MYT1: variants seen among roughly 807,000 people sequenced by gnomAD.
MYT1 encodes the protein myelin transcription factor I.
MYT1 carries 23 observed loss-of-function variants against 123.0 expected under a neutral mutation model. The observed-to-expected ratio is 0.19, with a 90% CI of 0.13 to 0.26. MYT1 has a LOEUF of 0.26. Ranked by LOEUF, MYT1 falls within the 10% of genes least tolerant of loss-of-function variation. The pLI is 1.00. For missense variants in MYT1, 1,125 were observed against 1,472.5 expected, an observed-to-expected ratio of 0.76 and a Z score of 3.86; for synonymous variants, 518 against 575.3, an observed-to-expected ratio of 0.90 and a Z score of 1.43.
At chr20:64,233,100 CCCCTTCTTCCCTCCTCCTT>C (rs1984371115) in intron 19 of MYT1, among the ~76,000 whole-genome samples, 1 of 141,302 alleles carries the variant, frequency 7.1e-6, no homozygotes, top group African/African-American at 2.7e-5. Context: ...TCCCTCCCCT[CCCCTTCTTCCCTCCTCCTT>C]CCCCTCCCTT....
chr20:64,215,714 A>T (rs1253783678), intron 10 of MYT1, among the ~76,000 whole-genome samples: 1 of 150,704 alleles, frequency 6.6e-6, no homozygotes, highest in Non-Finnish European at 1.5e-5. Flanking sequence ...CCTCCCGAGT[A>T]CCTAGGAATA....
rs71197459 is a variant in MYT1, at chr20:64,170,884, TAGAGAGAGAGAGAGAG to T, written c.-99+6181_-99+6196del. On this transcript the variant is annotated intron_variant, in intron 1 of 22. Coordinates refer to ENST00000328439, the MANE Select transcript of MYT1 (RefSeq NM_004535.3). ...ATATATATATATATATATATATATA[TAGAGAGAGAGAGAGAG>T]AGAGAGAGAGAGAGAGAGAGAGAGA... Among the ~76,000 whole-genome samples, 81 of 19,990 alleles carry T rather than the reference TAGAGAGAGAGAGAGAG, an allele frequency of 4.1e-3. 2 individuals carry two copies. The highest frequency in any genetic ancestry group is 7.5e-3 in the East Asian group (3 of 398). The allele number at this position is 19,990 out of a possible 152,430, so 13.1% of individuals were successfully genotyped here. A position where few individuals can be genotyped will look rare whatever the true frequency, so the allele number is the denominator to read the frequency against.
chr20:64,212,041 C>T lies in MYT1; in HGVS notation c.1427-7C>T. 1 of 1,612,938 alleles carries T rather than the reference C, an allele frequency of 6.2e-7. No homozygotes were observed. Among genetic ancestry groups the T allele is most frequent in the Non-Finnish European group, 8.5e-7 (1 of 1,179,190 alleles). On this transcript the variant is annotated splice_polypyrimidine_tract_variant and splice_region_variant and intron_variant, in intron 8 of 22. Transcript: ENST00000328439. This position sits in a 1 kb window ranked among gnomAD's most constrained non-coding sequence, Gnocchi z 6.8. ...CTCGGCTCCCTCCACCCCCTGTTCTCTTACAGTCTTAGCCATGCATGAGAA... is the reference window on the plus strand; with the variant it reads ...CTCGGCTCCCTCCACCCCCTGTTCTTTTACAGTCTTAGCCATGCATGAGAA...
chr20:64,182,703 G>A (rs962670469), intron 1 of MYT1, among the ~76,000 whole-genome samples: 4 of 152,062 alleles, frequency 2.6e-5, no homozygotes, highest in Non-Finnish European at 4.4e-5. Context: ...GGGAGTGATA[G>A]GCATCAAGGT....
Position 64,240,573 on chromosome 20 carries a change from G to T in MYT1, c.*125G>T. ...TGGGGCCCGGTGTGGCCGCGGGCGG[G>T]TTTATCCAAAGGGATGGCTGGAAAT... On this transcript the variant is annotated 3_prime_UTR_variant, in exon 23 of 23. Transcript: ENST00000328439. The T allele has an allele frequency of 7.3e-7, 1 of 1,372,780 alleles. No homozygotes were observed. Among genetic ancestry groups the T allele is most frequent in the Non-Finnish European group, 9.6e-7 (1 of 1,042,626 alleles). The allele number at this position is 1,372,780 out of a possible 1,614,324, so 85.0% of individuals were successfully genotyped here. A position where few individuals can be genotyped will look rare whatever the true frequency, so the allele number is the denominator to read the frequency against.
At position 64,207,817 on chromosome 20, in the gene MYT1, C is replaced by G. The variant is rs746653173; in HGVS notation, c.621C>G (p.Ser207Arg). 2.5e-6 allele frequency: 4 copies of G among 1,613,508 alleles called. No homozygotes were observed. The African/African-American group carries it at 5.3e-5, about 22-fold the overall frequency. The change falls in exon 7 of 23, where the codon AGC (serine) becomes AGG (arginine). Residue 207 changes from serine (S) to arginine (R), a missense_variant. Physicochemically the swap from Ser to Arg is moderately radical, Grantham distance 110. This residue lies in a region of MYT1 where 406 missense variants were observed against 432.2 expected (regional missense o/e 0.94). Transcript: ENST00000328439. ...LLQEAAEGAA[S>R]EEGEKGLFIQ... is the part of the protein sequence containing the mutation. ...AGGAGGCTGCAGAGGGAGCTGCCAG[C>G]GAGGAGGGTGAAAAGGGCCTCTTCA...
At position 64,217,291 on chromosome 20, in the gene MYT1, G is replaced by C; in HGVS notation, c.1846+10G>C. 6.2e-7 allele frequency: 1 copy of C among 1,613,786 alleles called. No homozygotes were observed. Among genetic ancestry groups the C allele is most frequent in the Non-Finnish European group, 8.5e-7 (1 of 1,179,638 alleles). On this transcript the variant is annotated intron_variant, in intron 11 of 22. Coordinates refer to ENST00000328439, the MANE Select transcript of MYT1 (RefSeq NM_004535.3). ...CCTAAAGCCTTTCAATGTAAGTTGG[G>C]GAGAATTGTTCTTGTTTCTCTTCTG...
In MYT1 at chr20:64,193,866, A is replaced by T. The variant is rs1420107149; in HGVS notation, c.-1+3706A>T. On this transcript the variant is annotated intron_variant, in intron 2 of 22. Coordinates refer to ENST00000328439, the MANE Select transcript of MYT1 (RefSeq NM_004535.3). This position sits in a 1 kb window ranked among gnomAD's most constrained non-coding sequence, Gnocchi z 4.0. ...AGTTGTAAGTCCATTCTAATTCTCCAGATTTGCTGGCTGTCAGAACACATT... is the reference window on the plus strand; with the variant it reads ...AGTTGTAAGTCCATTCTAATTCTCCTGATTTGCTGGCTGTCAGAACACATT... Among the ~76,000 whole-genome samples, 1 of 152,118 alleles carries T rather than the reference A, an allele frequency of 6.6e-6. No individual in the cohort carries two copies. Among genetic ancestry groups the T allele is most frequent in the African/African-American group, 2.4e-5 (1 of 41,406 alleles).
At position 64,231,191 on chromosome 20, in the gene MYT1, C is replaced by T. The variant is rs765517340; in HGVS notation, c.2676-973C>T. On this transcript the variant is annotated intron_variant, in intron 18 of 22. Coordinates refer to ENST00000328439, the MANE Select transcript of MYT1 (RefSeq NM_004535.3). This position sits in a 1 kb window ranked among gnomAD's most constrained non-coding sequence, Gnocchi z 6.4. ...CAGCACACAGGGAGTGTGTGACAAA[C>T]GGTAATTTGGATGAGTTTCATTTAT... 4.6e-5 allele frequency among the ~76,000 whole-genome samples: 7 copies of T among 152,172 alleles called. No individual in the cohort carries two copies. The highest frequency in any genetic ancestry group is 1.2e-4 in the African/African-American group (5 of 41,442).
Position 64,208,531 on chromosome 20 carries a change from C to T in MYT1, c.1291+44C>T, listed in dbSNP as rs748475064. ...CTGGCCCTGCAGACTCATCCTTTCA[C>T]CCCTGCCCCAGGTGTGCAGATGCAG... On this transcript the variant is annotated intron_variant, in intron 7 of 22. Transcript: ENST00000328439. This position sits in a 1 kb window ranked among gnomAD's most constrained non-coding sequence, Gnocchi z 5.4. 3 of 1,541,174 alleles carry T rather than the reference C, an allele frequency of 1.9e-6. No homozygotes were observed. Among genetic ancestry groups the T allele is most frequent in the Non-Finnish European group, 2.6e-6 (3 of 1,142,454 alleles).
In MYT1 at chr20:64,170,931, A is replaced by AGAGACGGAGT. The variant is rs1555952874; in HGVS notation, c.-99+6193_-99+6202dup. 3.8e-3 allele frequency among the ~76,000 whole-genome samples: 477 copies of AGAGACGGAGT among 126,110 alleles called. 12 individuals are homozygous for AGAGACGGAGT. Among genetic ancestry groups the AGAGACGGAGT allele is most frequent in the Non-Finnish European group, 5.3e-3 (321 of 60,280 alleles). The allele number at this position is 126,110 out of a possible 152,430, so 82.7% of individuals were successfully genotyped here. A position where few individuals can be genotyped will look rare whatever the true frequency, so the allele number is the denominator to read the frequency against. On this transcript the variant is annotated intron_variant, in intron 1 of 22. Transcript: ENST00000328439. ...GAGAGAGAGAGAGAGAGAGAGAGAG[A>AGAGACGGAGT]GAGACGGAGTCTTGCTCTGTTGGCC...
rs1223545395 is a variant in MYT1 at position 64,221,804 on chromosome 20, C to T, written c.2242-89C>T. 2.2e-6 allele frequency: 3 copies of T among 1,386,888 alleles called. No individual in the cohort carries two copies. In the African/African-American group the frequency reaches 4.3e-5, roughly 20 times the overall value. The allele number at this position is 1,386,888 out of a possible 1,614,324, so 85.9% of individuals were successfully genotyped here. ...GGGAGATGCTTCTGTGGACACTGTCCTGAAGGGTCCCTCTCCCTCGCCCAC... is the reference window on the plus strand; with the variant it reads ...GGGAGATGCTTCTGTGGACACTGTCTTGAAGGGTCCCTCTCCCTCGCCCAC... On this transcript the variant is annotated intron_variant, in intron 13 of 22. Transcript: ENST00000328439.
intron 1 of MYT1, among the ~76,000 whole-genome samples, chr20:64,176,427 C>T (rs1347215787): frequency 6.6e-6 from 1 of 152,012 alleles, no homozygotes; most frequent in Middle Eastern, 3.2e-3. Context: ...TTTCCCCTCC[C>T]TGGCTTCTCC....
Position 64,237,241 on chromosome 20 carries a change from C to G in MYT1, c.2990-46C>G, listed in dbSNP as rs371278011. 4.5e-6 allele frequency: 7 copies of G among 1,543,504 alleles called. No individual in the cohort carries two copies. In the African/African-American group the frequency reaches 6.8e-5, roughly 15 times the overall value. ...CTTCCCCACAGCACTTTGGCCCAGG[C>G]CTGCCTGAGGCCCAAAGCCACAACT... On this transcript the variant is annotated intron_variant, in intron 20 of 22. Transcript: ENST00000328439.
chr20:64,191,134 A>G lies in MYT1; in HGVS notation c.-1+974A>G, dbSNP rs1982957389. Among the ~76,000 whole-genome samples, 1 of 152,192 alleles carries G rather than the reference A, an allele frequency of 6.6e-6. No individual in the cohort carries two copies. The highest frequency in any genetic ancestry group is 6.5e-5 in the Admixed American group (1 of 15,280). On this transcript the variant is annotated intron_variant, in intron 2 of 22. Coordinates refer to ENST00000328439, the MANE Select transcript of MYT1 (RefSeq NM_004535.3). This position sits in a 1 kb window ranked among gnomAD's most constrained non-coding sequence, Gnocchi z 4.1. Reference sequence around the variant, plus strand: ...TTACCTGGCCAGGCTGAGAATCCCTACAGGATCTGACAGCAGAGATTGCTG... The same window carrying G: ...TTACCTGGCCAGGCTGAGAATCCCTGCAGGATCTGACAGCAGAGATTGCTG...
At chr20:64,240,263 C>G in intron 22 of MYT1, 57 bp from the exon 23 acceptor site, 1 of 1,589,404 alleles carries the variant, frequency 6.3e-7, no homozygotes, top group African/African-American at 1.3e-5. Context: ...ACATCAGGCT[C>G]TGCGGTGTGG....
chr20:64,232,109 G>C lies in MYT1; in HGVS notation c.2676-55G>C. The C allele has an allele frequency of 2.5e-6, 4 of 1,571,912 alleles. No individual in the cohort carries two copies. The highest frequency in any genetic ancestry group is 3.5e-6 in the Non-Finnish European group (4 of 1,147,314). The stretch of plus-strand genomic sequence containing the variant: ...TGTGTCTGGCTTGAGAGAGTCTCCA[G>C]GCTTCTCCTCCCAACCCTTCGCCCC... On this transcript the variant is annotated intron_variant, in intron 18 of 22. Transcript: ENST00000328439. The surrounding 1 kb of genome is among the most constrained non-coding windows in gnomAD (Gnocchi z 6.9).
Position 64,208,534 on chromosome 20 carries a change from C to T in MYT1, c.1291+47C>T. On this transcript the variant is annotated intron_variant, in intron 7 of 22. Transcript: ENST00000328439. This position sits in a 1 kb window ranked among gnomAD's most constrained non-coding sequence, Gnocchi z 5.4. ...GCCCTGCAGACTCATCCTTTCACCC[C>T]TGCCCCAGGTGTGCAGATGCAGGCT... is the stretch of plus-strand genomic sequence containing the variant. 1 of 1,537,186 alleles carries T rather than the reference C, an allele frequency of 6.5e-7. No individual in the cohort carries two copies. Among genetic ancestry groups the T allele is most frequent in the Non-Finnish European group, 8.8e-7 (1 of 1,141,066 alleles).
intron 19 of MYT1, among the ~76,000 whole-genome samples, chr20:64,235,714 G>A (rs111530446): frequency 2.5e-5 from 3 of 121,418 alleles, no homozygotes; most frequent in Middle Eastern, 4.5e-3. Context: ...TTGGCTGGCC[G>A]TGGTGGGTGA....
Sources: gnomAD v4.1 joint callset for allele counts (sites outside exome capture counted in the v4.1 genomes callset) on GRCh38, gnomAD v4.1.1 for gene constraint, gnomAD v4.1.1 regional missense constraint, Gnocchi (gnomAD v3.1) non-coding constraint, MANE v1.5 for transcripts, NCBI Gene and HGNC (gene_info 2026-07-23, HGNC 2026-07-21) for gene names.